ZMIZ1: variants seen among roughly 807,000 people sequenced by gnomAD.
ZMIZ1 encodes the protein zinc finger MIZ-type containing 1.
Under a neutral mutation model 113.9 loss-of-function variants are expected in ZMIZ1, and 17 were observed. That is an observed-to-expected ratio of 0.15 (90% confidence interval 0.10 to 0.22). The LOEUF (loss-of-function observed/expected upper bound fraction) is 0.22. Among genes scored for constraint, ZMIZ1 ranks in the 10% least tolerant of loss-of-function variants. The probability of loss-of-function intolerance (pLI) is 1.00; values close to 1 mark genes in which losing one functional copy is unlikely to be tolerated. For missense variants in ZMIZ1, 1,059 were observed against 1,477.8 expected, an observed-to-expected ratio of 0.72 and a Z score of 4.65; for synonymous variants, 607 against 603.1, an observed-to-expected ratio of 1.01 and a Z score of -0.09.
In ZMIZ1 at chr10:79,190,934, C is replaced by A. The variant is rs193238675; in HGVS notation, c.-49-10650C>A. 2.3e-4 allele frequency among the ~76,000 whole-genome samples: 35 copies of A among 152,268 alleles called. 2 individuals are homozygous for A. The East Asian group carries it at 6.8e-3, about 29-fold the overall frequency. ...CAAGCTAAGCCCTCCCCTCTCTGGC[C>A]TCTGTTCACTGCCTTTTCAAAAATA... On this transcript the variant is annotated intron_variant, in intron 4 of 24. Transcript: ENST00000334512.
chr10:79,297,081 C>T (rs1408514065), intron 13 of ZMIZ1: 1 of 174,248 alleles, frequency 5.7e-6, no homozygotes, highest in African/African-American at 2.4e-5. Context: ...AAGGATGATA[C>T]TTACTGCTAC....
At position 79,135,967 on chromosome 10, in the gene ZMIZ1, CAG is replaced by C. The variant is rs1032523804; in HGVS notation, c.-226-3714_-226-3713del. 1.3e-3 allele frequency among the ~76,000 whole-genome samples: 184 copies of C among 145,884 alleles called. 1 individual carries two copies. Among genetic ancestry groups the C allele is most frequent in the African/African-American group, 4.3e-3 (175 of 40,480 alleles). On this transcript the variant is annotated intron_variant, in intron 2 of 24. Coordinates refer to ENST00000334512, the MANE Select transcript of ZMIZ1 (RefSeq NM_020338.4). ...GCCCCTTTATCGCCCTGTACACAATCAGGGGAAGCTGGGAAGGCCGCTGGGGC... is the reference window on the plus strand; with the variant it reads ...GCCCCTTTATCGCCCTGTACACAATCGGGAAGCTGGGAAGGCCGCTGGGGC...
In ZMIZ1 at chr10:79,183,841, T is replaced by C. The variant is rs961887254; in HGVS notation, c.-49-17743T>C. Among the ~76,000 whole-genome samples, 43 of 152,166 alleles carry C rather than the reference T, an allele frequency of 2.8e-4. 1 individual carries two copies. The highest frequency in any genetic ancestry group is 1.0e-3 in the African/African-American group (43 of 41,424). ...GGCTGTTATCCTATCATCATCATCATCACCAGTTAAGGGCTGGGTTTTGGG... is the reference window on the plus strand; with the variant it reads ...GGCTGTTATCCTATCATCATCATCACCACCAGTTAAGGGCTGGGTTTTGGG... On this transcript the variant is annotated intron_variant, in intron 4 of 24. Transcript: ENST00000334512.
At position 79,299,120 on chromosome 10, in the gene ZMIZ1, G is replaced by A. The variant is rs779937518; in HGVS notation, c.1737G>A (p.Leu579=). The change falls in exon 16 of 25, where the codon CTG becomes CTA. Residue 579 remains leucine (L), a synonymous_variant. Coordinates refer to ENST00000334512, the MANE Select transcript of ZMIZ1 (RefSeq NM_020338.4). ...RDGVVLEPFR[L]EHNLAVSNHV... The stretch of plus-strand genomic sequence containing the variant: ...GCGTGGTGCTGGAGCCCTTCCGCCT[G>A]GAGCACAACCTGGCGGTCAGCAACC... 4 of 1,612,236 alleles carry A rather than the reference G, an allele frequency of 2.5e-6. No homozygotes were observed. The South Asian group carries it at 4.4e-5, about 18-fold the overall frequency.
At chr10:79,270,153 T>C (rs1186317267) in intron 7 of ZMIZ1, among the ~76,000 whole-genome samples, 1 of 152,208 alleles carries the variant, frequency 6.6e-6, no homozygotes, top group Admixed American at 6.5e-5. Context: ...TGCCCCGGCA[T>C]CCTCACTCAG....
At chr10:79,166,022 G>A (rs982950299) in intron 4 of ZMIZ1, among the ~76,000 whole-genome samples, 28 of 150,906 alleles carry the variant, frequency 1.9e-4, no homozygotes, top group Non-Finnish European at 3.1e-4. Context: ...TGCAGGGTGG[G>A]GCAGTGGGTC....
intron 1 of ZMIZ1, among the ~76,000 whole-genome samples, chr10:79,115,924 C>T (rs138302665): frequency 2.4e-4 from 36 of 152,362 alleles, no homozygotes; most frequent in African/African-American, 8.2e-4. Context: ...GGCATTACAA[C>T]TCTTCCTTCT....
At chr10:79,302,768 A>G (rs767201664) in intron 18 of ZMIZ1, among the ~76,000 whole-genome samples, 2 of 137,108 alleles carry the variant, frequency 1.5e-5, no homozygotes, top group Non-Finnish European at 1.5e-5. Context: ...ATCTCGGCTC[A>G]CTGCAGGCTC....
intron 2 of ZMIZ1, among the ~76,000 whole-genome samples, chr10:79,130,831 G>A (rs1484919350): frequency 6.6e-6 from 1 of 152,146 alleles, no homozygotes; most frequent in African/African-American, 2.4e-5. Context: ...ACATTTTAAG[G>A]ATCAGTAAAG....
intron 7 of ZMIZ1, among the ~76,000 whole-genome samples, chr10:79,274,671 T>C (rs1038066601): frequency 1.3e-5 from 2 of 152,168 alleles, no homozygotes; most frequent in Non-Finnish European, 2.9e-5. Context: ...GGGTGGTGAC[T>C]CCCCATCCCC....
chr10:79,251,592 G>A (rs541291348), intron 7 of ZMIZ1, among the ~76,000 whole-genome samples: 1 of 152,262 alleles, frequency 6.6e-6, no homozygotes, highest in East Asian at 1.9e-4. Flanking sequence ...AGAACATGCA[G>A]AATGCCCATC....
chr10:79,182,052 T>C (rs973900627), intron 4 of ZMIZ1, among the ~76,000 whole-genome samples: 1 of 152,202 alleles, frequency 6.6e-6, no homozygotes, highest in East Asian at 1.9e-4. Context: ...AAGGATGGGC[T>C]GGTCCCTGGT....
intron 1 of ZMIZ1, among the ~76,000 whole-genome samples, chr10:79,070,834 C>T (rs1375348594): frequency 6.6e-6 from 1 of 151,120 alleles, no homozygotes; most frequent in Non-Finnish European, 1.5e-5. Context: ...GCCTGCCCGC[C>T]TGCCTCCCTC....
In ZMIZ1 at chr10:79,074,277, C is replaced by T. The variant is rs1355936951; in HGVS notation, c.-337+5007C>T. 2.6e-5 allele frequency among the ~76,000 whole-genome samples: 4 copies of T among 152,230 alleles called. No homozygotes were observed. In the East Asian group the frequency reaches 7.7e-4, roughly 29 times the overall value. ...TCCTTTCCAGTCCACTGAGTGAGCG[C>T]TCCAGCCAGGCTCGGACACGGTGCA... On this transcript the variant is annotated intron_variant, in intron 1 of 24. Coordinates refer to ENST00000334512, the MANE Select transcript of ZMIZ1 (RefSeq NM_020338.4).
At chr10:79,243,315 G>C (rs1425558732) in intron 7 of ZMIZ1, among the ~76,000 whole-genome samples, 20 of 150,124 alleles carry the variant, frequency 1.3e-4, no homozygotes, top group Admixed American at 9.3e-4. Context: ...GAGAGCTGTC[G>C]CTTGCGCCCG....
intron 4 of ZMIZ1, among the ~76,000 whole-genome samples, chr10:79,197,595 T>TACACACAC (rs10648318): frequency 0.022 from 2,955 of 136,460 alleles, 64 homozygotes; most frequent in East Asian, 0.048. Context: ...ACCCAGACCA[T>TACACACAC]ACACACACAC....
At chr10:79,073,732 G>A (rs996677479) in intron 1 of ZMIZ1, among the ~76,000 whole-genome samples, 4 of 151,960 alleles carry the variant, frequency 2.6e-5, no homozygotes, top group Non-Finnish European at 4.4e-5. Context: ...TCTGCCTGGG[G>A]GTGCTCACTG....
At position 79,312,904 on chromosome 10, in the gene ZMIZ1, A is replaced by G. The variant is rs550655526; in HGVS notation, c.*155A>G. On this transcript the variant is annotated 3_prime_UTR_variant, in exon 25 of 25. Coordinates refer to ENST00000334512, the MANE Select transcript of ZMIZ1 (RefSeq NM_020338.4). Reference sequence around the variant, plus strand: ...CCTCCCCCGCTGCAGCCCTCTCAGAACAGAGGGGTAGGGAGGGTGCACCAG... The same window carrying G: ...CCTCCCCCGCTGCAGCCCTCTCAGAGCAGAGGGGTAGGGAGGGTGCACCAG... 474 of 657,564 alleles carry G rather than the reference A, an allele frequency of 7.2e-4. 3 individuals are homozygous for G. The African/African-American group carries it at 7.3e-3, about 10-fold the overall frequency. The allele number at this position is 657,564 out of a possible 1,614,324, so 40.7% of individuals were successfully genotyped here. A position where few individuals can be genotyped will look rare whatever the true frequency, so the allele number is the denominator to read the frequency against.
At chr10:79,240,717 A>G (rs979653413) in intron 7 of ZMIZ1, among the ~76,000 whole-genome samples, 2 of 120,444 alleles carry the variant, frequency 1.7e-5, no homozygotes, top group African/African-American at 6.6e-5. Flanking sequence ...AGGAGCGTAT[A>G]TTAATTCTCT....
Sources: allele counts gnomAD v4.1 joint callset (sites outside exome capture counted in the v4.1 genomes callset), GRCh38; gene constraint gnomAD v4.1.1; transcripts MANE v1.5; gene names NCBI Gene and HGNC (gene_info 2026-07-23, HGNC 2026-07-21).